The following ITPR3 variants were observed in gnomAD, a reference collection of about 807,000 sequenced individuals.
ITPR3 encodes the protein inositol 1,4,5-trisphosphate-gated calcium channel ITPR3.
ITPR3 carries 173 observed loss-of-function variants against 293.2 expected under a neutral mutation model. That is an observed-to-expected ratio of 0.59 (90% confidence interval 0.52 to 0.67). ITPR3 has a LOEUF of 0.67. ITPR3 is among the 30% of genes least tolerant of loss of function. The pLI is 0.00. For synonymous variants in ITPR3, 1,295 were observed against 1,444.4 expected (o/e 0.90, Z 2.35); for missense variants, 2,796 against 3,592.1 (o/e 0.78, Z 5.66).
chr6:33,687,945 A>G lies in ITPR3; in HGVS notation c.6265-112A>G, dbSNP rs1582164191. ...CTTGGCCTGCTCTGGCTTGGCGGGG[A>G]CACTCGCTGAAGTGTAGTTCAGAGC... On this transcript the variant is annotated intron_variant, in intron 46 of 57. Transcript: ENST00000605930. The surrounding 1 kb of genome is among the most constrained non-coding windows in gnomAD (Gnocchi z 5.3). 4 of 816,798 alleles carry G rather than the reference A, an allele frequency of 4.9e-6. No individual in the cohort carries two copies. The allele number at this position is 816,798 out of a possible 1,614,324, so 50.6% of individuals were successfully genotyped here. A position where few individuals can be genotyped will look rare whatever the true frequency, so the allele number is the denominator to read the frequency against.
At chr6:33,695,212 A>G (rs1181581785) in intron 57 of ITPR3, 127 bp downstream of exon 57, 2 of 1,069,660 alleles carry the variant, frequency 1.9e-6, no homozygotes, top group African/African-American at 3.2e-5. Flanking sequence ...ATGAGAAGGC[A>G]GGTGCCAAAC....
chr6:33,630,254 TC>T (rs1422339160), intron 1 of ITPR3, among the ~76,000 whole-genome samples: 2 of 152,174 alleles, frequency 1.3e-5, no homozygotes, highest in African/African-American at 4.8e-5. Flanking sequence ...TGCTTCACTT[TC>T]TGGATTGATT....
chr6:33,654,791 T>C lies in ITPR3; in HGVS notation c.161-975T>C, dbSNP rs1764268839. Among the ~76,000 whole-genome samples, 1 of 152,192 alleles carries C rather than the reference T, an allele frequency of 6.6e-6. No individual in the cohort carries two copies. Among genetic ancestry groups the C allele is most frequent in the Non-Finnish European group, 1.5e-5 (1 of 68,036 alleles). ...ACTGAGTCCTGCTCCGTGCCCAGGC[T>C]GTGGATCCCTCCTGTGATGGGGAGC... On this transcript the variant is annotated intron_variant, in intron 2 of 57. Coordinates refer to ENST00000605930, the MANE Select transcript of ITPR3 (RefSeq NM_002224.4). The surrounding 1 kb of genome is among the most constrained non-coding windows in gnomAD (Gnocchi z 4.1).
chr6:33,687,218 C>T lies in ITPR3; in HGVS notation c.6076-8C>T. On this transcript the variant is annotated splice_polypyrimidine_tract_variant and splice_region_variant and intron_variant, in intron 44 of 57. Coordinates refer to ENST00000605930, the MANE Select transcript of ITPR3 (RefSeq NM_002224.4). This position sits in a 1 kb window ranked among gnomAD's most constrained non-coding sequence, Gnocchi z 5.3. The stretch of plus-strand genomic sequence containing the variant: ...AAGAGAGCATTGGAACAGGCACTGC[C>T]CCTCCAGGTGGACGTCATCAAGAAG... 3 of 1,606,792 alleles carry T rather than the reference C, an allele frequency of 1.9e-6. No homozygotes were observed. Among genetic ancestry groups the T allele is most frequent in the Non-Finnish European group, 2.6e-6 (3 of 1,173,624 alleles).
intron 51 of ITPR3, 53 bp from the exon 52 acceptor site, chr6:33,690,864 G>A (rs933875710): frequency 1.3e-6 from 2 of 1,549,918 alleles, no homozygotes; most frequent in African/African-American, 1.4e-5. Flanking sequence ...CCCAGTGAGA[G>A]TGGCCGGCCC....
At position 33,692,936 on chromosome 6, in the gene ITPR3, GA is replaced by G. The variant is rs1561885001; in HGVS notation, c.7624+45del. ...CTCTGTGGAGGCCGCAGCGGGGCTGGAACGTCATCTGATGCCAGTGGCAGTA... is the reference window on the plus strand; with the variant it reads ...CTCTGTGGAGGCCGCAGCGGGGCTGGACGTCATCTGATGCCAGTGGCAGTA... On this transcript the variant is annotated intron_variant, in intron 55 of 57. Transcript: ENST00000605930. This position sits in a 1 kb window ranked among gnomAD's most constrained non-coding sequence, Gnocchi z 4.2. 4.4e-6 allele frequency: 7 copies of G among 1,601,016 alleles called. No individual in the cohort carries two copies. In the South Asian group the frequency reaches 7.8e-5, roughly 18 times the overall value.
In ITPR3 at chr6:33,675,582, C is replaced by T. The variant is rs373381667; in HGVS notation, c.3117-109C>T. ...AAACACATTTAGACTGGCCCTGCATCTGCTAATTGGGTGGCGGAGAGTGTG... is the reference window on the plus strand; with the variant it reads ...AAACACATTTAGACTGGCCCTGCATTTGCTAATTGGGTGGCGGAGAGTGTG... On this transcript the variant is annotated intron_variant, in intron 24 of 57. Coordinates refer to ENST00000605930, the MANE Select transcript of ITPR3 (RefSeq NM_002224.4). This position sits in a 1 kb window ranked among gnomAD's most constrained non-coding sequence, Gnocchi z 5.0. 1.2e-5 allele frequency: 15 copies of T among 1,231,362 alleles called. No individual in the cohort carries two copies. The African/African-American group carries it at 2.2e-4, about 18-fold the overall frequency. The allele number at this position is 1,231,362 out of a possible 1,614,324, so 76.3% of individuals were successfully genotyped here. A position where few individuals can be genotyped will look rare whatever the true frequency, so the allele number is the denominator to read the frequency against.
In ITPR3 at chr6:33,665,009, C is replaced by T. The variant is rs1474673652; in HGVS notation, c.1248+40C>T. 2.5e-6 allele frequency: 4 copies of T among 1,613,406 alleles called. No homozygotes were observed. The African/African-American group carries it at 5.3e-5, about 22-fold the overall frequency. Reference sequence around the variant, plus strand: ...GGTGGGGGTGGGGCTGGGGCCAGGGCCGGAGCTTGTTCCCAGGTGCCCTGC... The same window carrying T: ...GGTGGGGGTGGGGCTGGGGCCAGGGTCGGAGCTTGTTCCCAGGTGCCCTGC... On this transcript the variant is annotated intron_variant, in intron 12 of 57. Coordinates refer to ENST00000605930, the MANE Select transcript of ITPR3 (RefSeq NM_002224.4).
intron 2 of ITPR3, among the ~76,000 whole-genome samples, chr6:33,648,066 CTTTTT>C (rs35776559): frequency 1.5e-5 from 2 of 130,434 alleles, no homozygotes; most frequent in Admixed American, 8.1e-5. Context: ...ATTTCTTTTT[CTTTTT>C]TTTTTTTTTT....
At position 33,638,295 on chromosome 6, in the gene ITPR3, C is replaced by A. The variant is rs1053628567; in HGVS notation, c.90-2189C>A. Reference sequence around the variant, plus strand: ...CAGGGATTACAGGCATGAGCCACCGCGTCCATCCACATAGGCATGATTGAT... The same window carrying A: ...CAGGGATTACAGGCATGAGCCACCGAGTCCATCCACATAGGCATGATTGAT... On this transcript the variant is annotated intron_variant, in intron 1 of 57. Coordinates refer to ENST00000605930, the MANE Select transcript of ITPR3 (RefSeq NM_002224.4). The surrounding 1 kb of genome is among the most constrained non-coding windows in gnomAD (Gnocchi z 4.3). Among the ~76,000 whole-genome samples the A allele has an allele frequency of 6.6e-6, 1 of 152,208 alleles. No individual in the cohort carries two copies. The highest frequency in any genetic ancestry group is 2.4e-5 in the African/African-American group (1 of 41,450).
chr6:33,690,898 T>C lies in ITPR3; in HGVS notation c.7033-19T>C, dbSNP rs1765369449. 7.4e-6 allele frequency: 12 copies of C among 1,611,412 alleles called. No homozygotes were observed. Among genetic ancestry groups the C allele is most frequent in the Non-Finnish European group, 1.0e-5 (12 of 1,178,264 alleles). ...CCAGCCCCTCAAGGTGCCATCCCTA[T>C]CTCAACCCCATCCTGCAGCTCTTTG... On this transcript the variant is annotated intron_variant, in intron 51 of 57. Transcript: ENST00000605930.
At position 33,665,067 on chromosome 6, in the gene ITPR3, C is replaced by T. The variant is rs1764576214; in HGVS notation, c.1263C>T (p.Pro421=). 6.2e-7 allele frequency: 1 copy of T among 1,613,808 alleles called. No homozygotes were observed. ...TGTCTCTGCAGCTGGGCACCTGCCC[C>T]ACCAAGGAGGACAAGGAGGCCTTTG... ...RPIRLMLGTC[P]TKEDKEAFAI... The change falls in exon 13 of 58, where the codon CCC becomes CCT. Residue 421 remains proline (P), a synonymous_variant. Coordinates refer to ENST00000605930, the MANE Select transcript of ITPR3 (RefSeq NM_002224.4).
rs748200030 is a variant in ITPR3 at position 33,686,474 on chromosome 6, C to G, written c.5934C>G (p.Ile1978Met). 1 of 1,614,236 alleles carries G rather than the reference C, an allele frequency of 6.2e-7. No homozygotes were observed. The highest frequency in any genetic ancestry group is 8.5e-7 in the Non-Finnish European group (1 of 1,180,034). The change falls in exon 43 of 58, where the codon ATC (isoleucine) becomes ATG (methionine). Residue 1978 changes from isoleucine to methionine, a missense_variant. By Grantham distance (10) the Ile-to-Met change is conservative. Coordinates refer to ENST00000605930, the MANE Select transcript of ITPR3 (RefSeq NM_002224.4). The part of the protein sequence containing the change: ...DIITALILND[I>M]SPLCKYRMDL... Reference sequence around the variant, plus strand: ...TCACCGCACTGATCCTCAATGACATCAGCCCCCTGTGCAAGTACCGCATGG... The same window carrying G: ...TCACCGCACTGATCCTCAATGACATGAGCCCCCTGTGCAAGTACCGCATGG...
rs4713647 is a variant in ITPR3, at chr6:33,640,602, T to C, written c.160+48T>C. ...CCCCGCCCCTCCCAGGCTGCAGGGT[T>C]CTGGACCTGCGACTGAATTTATTCA... On this transcript the variant is annotated intron_variant, in intron 2 of 57. Transcript: ENST00000605930. 1,484,491 of 1,503,214 alleles carry C rather than the reference T, an allele frequency of 0.99. 733,231 individuals are homozygous for C. Among genetic ancestry groups the C allele is most frequent in the East Asian group, 1 (43,880 of 43,948 alleles). The allele number at this position is 1,503,214 out of a possible 1,614,324, so 93.1% of individuals were successfully genotyped here.
At position 33,686,100 on chromosome 6, in the gene ITPR3, C is replaced by T. The variant is rs186382603; in HGVS notation, c.5715C>T (p.Cys1905=). Reference sequence around the variant, plus strand: ...ACAAAACCAACTACAACTTGGTATGCGAGACGCTGCAGTTCCTGGACATCA... The same window carrying T: ...ACAAAACCAACTACAACTTGGTATGTGAGACGCTGCAGTTCCTGGACATCA... ...QNNKTNYNLV[C]ETLQFLDIMC... Residue 1905 remains cysteine (C), a synonymous_variant, in exon 42 of 58, where the codon TGC becomes TGT. Coordinates refer to ENST00000605930, the MANE Select transcript of ITPR3 (RefSeq NM_002224.4). The T allele has an allele frequency of 4.6e-5, 74 of 1,614,178 alleles. No individual in the cohort carries two copies. The highest frequency in any genetic ancestry group is 5.8e-5 in the Non-Finnish European group (69 of 1,180,040).
intron 27 of ITPR3, 31 bp from the exon 28 acceptor site, chr6:33,677,473 A>G: frequency 6.2e-7 from 1 of 1,611,124 alleles, no homozygotes. Flanking sequence ...GAAGTAGGGA[A>G]GGGGCTCTGG....
chr6:33,627,704 G>A (rs1021570380), intron 1 of ITPR3, among the ~76,000 whole-genome samples: 8 of 152,208 alleles, frequency 5.3e-5, no homozygotes, highest in African/African-American at 1.7e-4. Flanking sequence ...CTGTGGTGGT[G>A]GAGGGGTATA....
rs531868220 is a variant in ITPR3, at chr6:33,657,472, G to A, written c.283-460G>A. ...GAGGGAAGGTTGCAGAGGAGTGGGGGTGGTGGTGGGAGCCAGGAAATGGCA... is the reference window on the plus strand; with the variant it reads ...GAGGGAAGGTTGCAGAGGAGTGGGGATGGTGGTGGGAGCCAGGAAATGGCA... On this transcript the variant is annotated intron_variant, in intron 3 of 57. Transcript: ENST00000605930. Among the ~76,000 whole-genome samples the A allele has an allele frequency of 1.8e-4, 28 of 152,128 alleles. 1 individual carries two copies. Among genetic ancestry groups the A allele is most frequent in the Admixed American group, 1.6e-3 (24 of 15,290 alleles).
intron 3 of ITPR3, 103 bp from the exon 4 acceptor site, chr6:33,657,829 G>T: frequency 2.3e-6 from 2 of 858,134 alleles, no homozygotes; most frequent in Non-Finnish European, 3.8e-6. Flanking sequence ...GTGTGTGTGT[G>T]TGTGTTTGTG....
Sources: gnomAD v4.1 joint callset for allele counts (sites outside exome capture counted in the v4.1 genomes callset) on GRCh38, gnomAD v4.1.1 for gene constraint, Gnocchi (gnomAD v3.1) non-coding constraint, MANE v1.5 for transcripts, NCBI Gene and HGNC (gene_info 2026-07-23, HGNC 2026-07-21) for gene names.